SLC19A2: variants seen among roughly 807,000 people sequenced by gnomAD.
SLC19A2 encodes thiamine transporter 1.
SLC19A2 carries 27 observed loss-of-function variants against 44.7 expected under a neutral mutation model. The ratio of observed to expected loss-of-function variants is 0.60; its 90% CI spans 0.45 to 0.83. The LOEUF is 0.83. SLC19A2 is among the 40% of genes least tolerant of loss of function. The probability of loss-of-function intolerance (pLI) is 0.00; values close to 1 mark genes in which losing one functional copy is unlikely to be tolerated. For missense variants in SLC19A2, 566 were observed against 613.7 expected, an observed-to-expected ratio of 0.92 and a Z score of 0.82; for synonymous variants, 239 against 243.6, an observed-to-expected ratio of 0.98 and a Z score of 0.18.
intron 5 of SLC19A2, 98 bp from the exon 6 acceptor site, chr1:169,466,075 A>G: frequency 2.1e-6 from 3 of 1,422,104 alleles, no homozygotes; most frequent in Non-Finnish European, 2.0e-6. Context: ...CTCAAAAAAT[A>G]TTGCATACTT....
chr1:169,477,835 TAAAA>T, intron 1 of SLC19A2, 78 bp from the exon 2 acceptor site: 1 of 1,435,982 alleles, frequency 7.0e-7, no homozygotes, highest in Non-Finnish European at 9.4e-7. Context: ...AATTTATTCA[TAAAA>T]AACAACCTAC....
chr1:169,479,211 G>C (rs1658392362), intron 1 of SLC19A2, among the ~76,000 whole-genome samples: 1 of 152,068 alleles, frequency 6.6e-6, no homozygotes, highest in Admixed American at 6.6e-5. Context: ...GTTTCTTTTG[G>C]GGCAGAGGAA....
chr1:169,467,981 G>T, intron 5 of SLC19A2, 130 bp downstream of exon 5: 1 of 886,172 alleles, frequency 1.1e-6, no homozygotes. Flanking sequence ...TTGAATGAAG[G>T]AAGGAGGGTA....
chr1:169,466,186 C>G (rs1445717343), intron 5 of SLC19A2, among the ~76,000 whole-genome samples: 3 of 152,180 alleles, frequency 2.0e-5, no homozygotes, highest in Non-Finnish European at 4.4e-5. Context: ...TCATCCCTTA[C>G]AAGCTGCGTG....
chr1:169,485,277 AG>A (rs1311463675), intron 1 of SLC19A2, among the ~76,000 whole-genome samples: 2 of 152,372 alleles, frequency 1.3e-5, no homozygotes, highest in African/African-American at 4.8e-5. Context: ...CAGTCTGGGC[AG>A]TCACGCTAAG....
Position 169,465,185 on chromosome 1 carries a change from A to T in SLC19A2, c.*664T>A, listed in dbSNP as rs890217993. 1 of 152,308 alleles carries T rather than the reference A, an allele frequency of 6.6e-6. No homozygotes were observed. Among genetic ancestry groups the T allele is most frequent in the African/African-American group, 2.4e-5 (1 of 41,476 alleles). 9.4% of individuals were successfully genotyped at this position (152,308 alleles called of 1,614,324 possible). A position where few individuals can be genotyped will look rare whatever the true frequency, so the allele number is the denominator to read the frequency against. On this transcript the variant is annotated 3_prime_UTR_variant, in exon 6 of 6. Transcript: ENST00000236137. ...ATGAATAATGCAAAAACGTACTTCT[A>T]AACAAATTTTACAGAAATAAATAAT... is the stretch of plus-strand genomic sequence containing the variant.
intron 1 of SLC19A2, among the ~76,000 whole-genome samples, chr1:169,481,021 GA>G (rs1302377072): frequency 2.6e-5 from 4 of 152,204 alleles, no homozygotes; most frequent in African/African-American, 7.2e-5. Context: ...AAATAGGGGA[GA>G]GGGGGAAGAC....
In SLC19A2 at chr1:169,468,631, CCAAA is replaced by C; in HGVS notation, c.1223+9_1223+12del. On this transcript the variant is annotated intron_variant, in intron 4 of 5. Coordinates refer to ENST00000236137, the MANE Select transcript of SLC19A2 (RefSeq NM_006996.3). Reference sequence around the variant, plus strand: ...CAATTTTTCCTAAGGCTTCTATGAGCCAAAATACATACGTTGCTATCGTGATGAG... The same window carrying C: ...CAATTTTTCCTAAGGCTTCTATGAGCATACATACGTTGCTATCGTGATGAG... The C allele has an allele frequency of 1.2e-6, 2 of 1,611,746 alleles. No individual in the cohort carries two copies. Among genetic ancestry groups the C allele is most frequent in the African/African-American group, 2.7e-5 (2 of 74,940 alleles).
intron 4 of SLC19A2, 162 bp from the exon 5 acceptor site, chr1:169,468,414 T>C (rs1159123183): frequency 1.4e-6 from 1 of 714,838 alleles, no homozygotes; most frequent in Non-Finnish European, 2.3e-6. Context: ...AACTAAATGA[T>C]ATAAATCTCA....
At chr1:169,469,075 G>A (rs1658107499) in intron 3 of SLC19A2, 1 of 519,292 alleles carries the variant, frequency 1.9e-6, no homozygotes, top group Non-Finnish European at 3.4e-6. Context: ...GAAAATGCAG[G>A]ACAAAGACAC....
In SLC19A2 at chr1:169,476,994, TTGAA is replaced by T. The variant is rs111564572; in HGVS notation, c.807+157_807+160del. On this transcript the variant is annotated intron_variant, in intron 2 of 5. Transcript: ENST00000236137. ...ATCCCTAATATAAATAAACCATAGC[TTGAA>T]TGAATGAATGAATGAATGAATAAAG... Among the ~76,000 whole-genome samples, 609 of 152,100 alleles carry T rather than the reference TTGAA, an allele frequency of 4.0e-3. 7 individuals carry two copies. Among genetic ancestry groups the T allele is most frequent in the African/African-American group, 0.014 (577 of 41,496 alleles).
intron 5 of SLC19A2, among the ~76,000 whole-genome samples, chr1:169,466,713 GTGT>G (rs1227932729): frequency 1.3e-5 from 2 of 151,712 alleles, no homozygotes; most frequent in Non-Finnish European, 2.9e-5. Flanking sequence ...GCCCCAATGT[GTGT>G]TGTTCCCCTC....
In SLC19A2 at chr1:169,468,168, C is replaced by T. The variant is rs375822491; in HGVS notation, c.1308G>A (p.Thr436=). The T allele has an allele frequency of 3.1e-6, 5 of 1,613,762 alleles. No individual in the cohort carries two copies. The African/African-American group carries it at 4.0e-5, about 13-fold the overall frequency. The change falls in exon 5 of 6, where the codon ACG becomes ACA. Residue 436 remains threonine, a synonymous_variant. Transcript: ENST00000236137. The part of the protein sequence containing the change: ...VNTFIALALQ[T]LLTLIVVDAS... ...CATCTACCACAATTAGAGTGAGCAG[C>T]GTCTGCAGTGCCAGGGCAATGAAGG... is the stretch of plus-strand genomic sequence containing the variant.
intron 1 of SLC19A2, 63 bp from the exon 2 acceptor site, chr1:169,477,820 T>A: frequency 6.6e-7 from 1 of 1,508,410 alleles, no homozygotes; most frequent in Non-Finnish European, 8.9e-7. Flanking sequence ...GGAATACTCA[T>A]AAAGAATTTA....
At chr1:169,466,373 G>C (rs1047090985) in intron 5 of SLC19A2, among the ~76,000 whole-genome samples, 7 of 151,712 alleles carry the variant, frequency 4.6e-5, no homozygotes, top group Non-Finnish European at 1.0e-4. Context: ...TTATAATTCA[G>C]TCCTGGTCTC....
At position 169,485,877 on chromosome 1, in the gene SLC19A2, CCAGGACGTT is replaced by C; in HGVS notation, c.-120_-112del. On this transcript the variant is annotated 5_prime_UTR_variant, in exon 1 of 6. Coordinates refer to ENST00000236137, the MANE Select transcript of SLC19A2 (RefSeq NM_006996.3). ...CGAGTGACGCCTTCTCCCTGTAAGGCCAGGACGTTCTGGACTCGCCGCCGCCTCCGGCTA... is the reference window on the plus strand; with the variant it reads ...CGAGTGACGCCTTCTCCCTGTAAGGCCTGGACTCGCCGCCGCCTCCGGCTA... 7.9e-7 allele frequency: 1 copy of C among 1,272,954 alleles called. No homozygotes were observed. The highest frequency in any genetic ancestry group is 2.5e-5 in the East Asian group (1 of 39,288). The allele number at this position is 1,272,954 out of a possible 1,614,324, so 78.9% of individuals were successfully genotyped here.
chr1:169,472,439 A>T (rs7522245), intron 2 of SLC19A2, among the ~76,000 whole-genome samples: 63,447 of 152,048 alleles, frequency 0.42, 14,417 homozygotes, highest in Non-Finnish European at 0.52. Flanking sequence ...CCATAAACTG[A>T]TAAGAAAGCC....
chr1:169,481,731 C>A (rs182057506), intron 1 of SLC19A2, among the ~76,000 whole-genome samples: 2 of 152,326 alleles, frequency 1.3e-5, no homozygotes, highest in East Asian at 3.9e-4. Context: ...GTGCCTTTCA[C>A]AACTCTTTGG....
At chr1:169,483,302 A>G (rs1354430641) in intron 1 of SLC19A2, among the ~76,000 whole-genome samples, 2 of 152,238 alleles carry the variant, frequency 1.3e-5, no homozygotes, top group African/African-American at 4.8e-5. Flanking sequence ...TTGCTTAAAA[A>G]TCATGTAATT....
Sources: allele counts gnomAD v4.1 joint callset (sites outside exome capture counted in the v4.1 genomes callset), GRCh38; gene constraint gnomAD v4.1.1; transcripts MANE v1.5; gene names NCBI Gene and HGNC (gene_info 2026-07-23, HGNC 2026-07-21).